MAPK8IP3: variants seen among roughly 807,000 people sequenced by gnomAD.
The protein encoded by MAPK8IP3 is mitogen-activated protein kinase 8 interacting protein 3, also known as C-Jun-amino-terminal kinase-interacting protein 3.
MAPK8IP3 carries 49 observed loss-of-function variants against 157.8 expected under a neutral mutation model. The observed-to-expected ratio is 0.31, with a 90% CI of 0.25 to 0.39. MAPK8IP3 has a LOEUF of 0.39. Among genes scored for constraint, MAPK8IP3 ranks in the 10% least tolerant of loss-of-function variants. The pLI, the probability that MAPK8IP3 is intolerant of heterozygous loss-of-function variation, is 1.00. For missense variants in MAPK8IP3, 1,478 were observed against 1,889.4 expected, an observed-to-expected ratio of 0.78 and a Z score of 4.04; for synonymous variants, 897 against 777.7, an observed-to-expected ratio of 1.15 and a Z score of -2.55.
intron 4 of MAPK8IP3, among the ~76,000 whole-genome samples, chr16:1,730,575 G>A (rs778277090): frequency 6.6e-6 from 1 of 151,716 alleles, no homozygotes; most frequent in Non-Finnish European, 1.5e-5. Flanking sequence ...CCATCTCTAC[G>A]AAACACTCCT....
intron 1 of MAPK8IP3, among the ~76,000 whole-genome samples, chr16:1,712,073 C>T (rs7342780): frequency 0.97 from 104,797 of 108,332 alleles, 50,649 homozygotes; most frequent in East Asian, 1. Flanking sequence ...TTTTTTTTTT[C>T]TTTTTTGAGA....
chr16:1,764,653 T>C (rs368681447), intron 19 of MAPK8IP3, among the ~76,000 whole-genome samples, 194 bp downstream of exon 19: 1 of 152,160 alleles, frequency 6.6e-6, no homozygotes, highest in African/African-American at 2.4e-5. Context: ...TTTTCAGTTT[T>C]CACCCCCCAG....
rs758888072 is a variant in MAPK8IP3 at position 1,729,594 on chromosome 16, C to T, written c.602+16C>T. On this transcript the variant is annotated intron_variant, in intron 4 of 31. Transcript: ENST00000610761. ...CGGGGCGGAGGTACGCGGGGCGCGG[C>T]GGGGTGGAGGTACGCGGGGCGCGGC... is the stretch of plus-strand genomic sequence containing the variant. 20 of 1,579,184 alleles carry T rather than the reference C, an allele frequency of 1.3e-5. No homozygotes were observed. Among genetic ancestry groups the T allele is most frequent in the Non-Finnish European group, 1.6e-5 (18 of 1,160,202 alleles).
Position 1,770,029 on chromosome 16 carries a change from A to T in MAPK8IP3, c.*1205A>T, listed in dbSNP as rs1467858382. ...TGGGAGGCCCTTATGAGGGCAGCCC[A>T]GCCCCCGCACCCACCCCCAACCAGA... On this transcript the variant is annotated 3_prime_UTR_variant, in exon 32 of 32. Coordinates refer to ENST00000610761, the MANE Select transcript of MAPK8IP3 (RefSeq NM_001318852.2). 6.6e-6 allele frequency: 1 copy of T among 151,384 alleles called. No individual in the cohort carries two copies. Among genetic ancestry groups the T allele is most frequent in the Non-Finnish European group, 1.5e-5 (1 of 67,862 alleles). 9.4% of individuals were successfully genotyped at this position (151,384 alleles called of 1,614,324 possible). A position where few individuals can be genotyped will look rare whatever the true frequency, so the allele number is the denominator to read the frequency against.
chr16:1,749,345 C>T (rs1425259875), intron 8 of MAPK8IP3, among the ~76,000 whole-genome samples: 1 of 152,178 alleles, frequency 6.6e-6, no homozygotes, highest in Non-Finnish European at 1.5e-5. Flanking sequence ...GGGCTGCCAA[C>T]TCTCCAGGAG....
At chr16:1,736,047 C>T (rs1420084980) in intron 4 of MAPK8IP3, among the ~76,000 whole-genome samples, 18 of 119,100 alleles carry the variant, frequency 1.5e-4, no homozygotes, top group South Asian at 3.9e-4. Context: ...TCCGTGTGAG[C>T]GTGTGACCGT....
intron 26 of MAPK8IP3, 110 bp downstream of exon 26, chr16:1,767,407 CT>C (rs2042337169): frequency 6.6e-7 from 1 of 1,516,936 alleles, no homozygotes; most frequent in East Asian, 2.3e-5. Context: ...CCCATCTCCC[CT>C]GTACCACCTA....
chr16:1,766,454 G>A (rs2042265707), intron 22 of MAPK8IP3, 45 bp downstream of exon 22: 1 of 1,603,224 alleles, frequency 6.2e-7, no homozygotes, highest in Non-Finnish European at 8.5e-7. Context: ...GGCTTGCAGA[G>A]GTGGGAAGGG....
intron 4 of MAPK8IP3, among the ~76,000 whole-genome samples, chr16:1,737,474 CTG>C (rs1282320973): frequency 1.3e-5 from 1 of 75,942 alleles, no homozygotes; most frequent in Non-Finnish European, 2.5e-5. Flanking sequence ...ATGTGAGCAT[CTG>C]TGTGACCGTC....
At chr16:1,753,533 T>C (rs9927962) in intron 8 of MAPK8IP3, among the ~76,000 whole-genome samples, 87,548 of 151,402 alleles carry the variant, frequency 0.58, 28,515 homozygotes, top group African/African-American at 0.87. Flanking sequence ...CTCCGCCTCC[T>C]GGGTTCACGC....
In MAPK8IP3 at chr16:1,764,428, A is replaced by C; in HGVS notation, c.2249A>C (p.Lys750Thr). The C allele has an allele frequency of 6.2e-7, 1 of 1,607,872 alleles. No individual in the cohort carries two copies. The highest frequency in any genetic ancestry group is 8.5e-7 in the Non-Finnish European group (1 of 1,178,730). The change falls in exon 19 of 32, where the codon AAG (lysine) becomes ACG (threonine). Residue 750 changes from lysine (K) to threonine (T), a missense_variant. Lys to Thr is a moderately conservative substitution (Grantham distance 78). Around this residue, in one of 11 missense-constraint regions of MAPK8IP3, gnomAD observed 669 missense variants for 759.8 expected, o/e 0.88. Transcript: ENST00000610761. Reference sequence around the variant, plus strand: ...GACCGCGAAGGAGACGGCGAGCCCAAGAGCGCCCACACGTCTCCCGAGAAG... The same window carrying C: ...GACCGCGAAGGAGACGGCGAGCCCACGAGCGCCCACACGTCTCCCGAGAAG... ...TCDREGDGEP[K>T]SAHTSPEKKK...
intron 2 of MAPK8IP3, among the ~76,000 whole-genome samples, chr16:1,726,019 G>T (rs1237957980): frequency 6.6e-6 from 1 of 152,232 alleles, no homozygotes; most frequent in Non-Finnish European, 1.5e-5. Flanking sequence ...ATCGGCTGCG[G>T]TTTCCCTAGC....
At chr16:1,735,466 CGTGTG>C (rs2039630738) in intron 4 of MAPK8IP3, among the ~76,000 whole-genome samples, 1 of 98,294 alleles carries the variant, frequency 1.0e-5, no homozygotes, top group African/African-American at 5.1e-5. Flanking sequence ...TGTGAGCGTC[CGTGTG>C]AGAGTGTGAC....
At chr16:1,744,471 C>G in intron 5 of MAPK8IP3, 2 of 985,754 alleles carry the variant, frequency 2.0e-6, no homozygotes, top group Non-Finnish European at 2.4e-6. Context: ...AGCGAGCTCC[C>G]TCATGGCATC....
chr16:1,757,869 G>T (rs1225610064), intron 8 of MAPK8IP3, among the ~76,000 whole-genome samples: 1 of 152,188 alleles, frequency 6.6e-6, no homozygotes, highest in Non-Finnish European at 1.5e-5. Context: ...CCTGATGGGC[G>T]ATGGGAGCAG....
intron 2 of MAPK8IP3, 76 bp from the exon 3 acceptor site, chr16:1,729,062 T>G: frequency 1.4e-6 from 2 of 1,413,432 alleles, no homozygotes; most frequent in Admixed American, 1.7e-5. Flanking sequence ...ACCCCCTCCC[T>G]CTGTGGTTAC....
chr16:1,764,934 C>T (rs1433430256), intron 19 of MAPK8IP3, 79 bp from the exon 20 acceptor site: 7 of 1,416,520 alleles, frequency 4.9e-6, no homozygotes, highest in Non-Finnish European at 5.8e-6. Context: ...CTGACAGATT[C>T]TGGGAGCCCC....
At chr16:1,718,838 G>A (rs930215495) in intron 1 of MAPK8IP3, among the ~76,000 whole-genome samples, 3 of 151,604 alleles carry the variant, frequency 2.0e-5, no homozygotes, top group Non-Finnish European at 2.9e-5. Context: ...CCCATCAGAG[G>A]ACTCTTCACT....
At chr16:1,737,534 C>G (rs2040077743) in intron 4 of MAPK8IP3, among the ~76,000 whole-genome samples, 1 of 80,900 alleles carries the variant, frequency 1.2e-5, no homozygotes, top group Non-Finnish European at 2.4e-5. Context: ...GAGTGTGTGA[C>G]CATTCGTGTG....
Sources: allele counts gnomAD v4.1 joint callset (sites outside exome capture counted in the v4.1 genomes callset), GRCh38; gene constraint gnomAD v4.1.1; regional missense constraint gnomAD v4.1.1; transcripts MANE v1.5; gene names NCBI Gene and HGNC (gene_info 2026-07-23, HGNC 2026-07-21).